The following GLIPR1L2 variants were observed in gnomAD, a reference collection of about 807,000 sequenced individuals.
The protein encoded by GLIPR1L2 is GLIPR1 like 2.
GLIPR1L2 carries 21 observed loss-of-function variants against 28.4 expected under a neutral mutation model. The ratio of observed to expected loss-of-function variants is 0.74; its 90% confidence interval spans 0.52 to 1.06. The LOEUF (loss-of-function observed/expected upper bound fraction) is 1.06. Ranked by LOEUF, GLIPR1L2 falls within the 50% of genes least tolerant of loss-of-function variation. The pLI is 0.00. For synonymous variants in GLIPR1L2, 145 were observed against 139.3 expected, an observed-to-expected ratio of 1.04 and a Z score of -0.29; for missense variants, 476 against 416.9, an observed-to-expected ratio of 1.14 and a Z score of -1.23.
chr12:75,428,998 G>T (rs1436411160), intron 4 of GLIPR1L2, among the ~76,000 whole-genome samples: 3 of 152,226 alleles, frequency 2.0e-5, no homozygotes, highest in Non-Finnish European at 4.4e-5. Context: ...CCCTCATGGA[G>T]AACCTCTACT....
At chr12:75,422,710 T>C (rs1486673715) in intron 3 of GLIPR1L2, among the ~76,000 whole-genome samples, 194 bp from the exon 4 acceptor site, 2 of 152,198 alleles carry the variant, frequency 1.3e-5, no homozygotes, top group African/African-American at 4.8e-5. Context: ...GGCATGGGAA[T>C]TCGTTTCAGA....
chr12:75,406,098 T>C (rs2045796468), intron 1 of GLIPR1L2, among the ~76,000 whole-genome samples: 1 of 151,966 alleles, frequency 6.6e-6, no homozygotes, highest in Admixed American at 6.6e-5. Context: ...ATTTTCCTGA[T>C]TATTTAAGAA....
At position 75,409,655 on chromosome 12, in the gene GLIPR1L2, AAT is replaced by A. The variant is rs1001160374; in HGVS notation, c.235-772_235-771del. Among the ~76,000 whole-genome samples, 4 of 146,746 alleles carry A rather than the reference AAT, an allele frequency of 2.7e-5. No homozygotes were observed. In the Admixed American group the frequency reaches 2.8e-4, roughly 10 times the overall value. On this transcript the variant is annotated intron_variant, in intron 1 of 5. Transcript: ENST00000550916. ...TATATATATAGGATCTTATATATAT[AAT>A]ATATATGTAATCTGATATATATATA...
At chr12:75,401,100 A>C (rs1424588949) in intron 1 of GLIPR1L2, among the ~76,000 whole-genome samples, 1 of 151,986 alleles carries the variant, frequency 6.6e-6, no homozygotes, top group Non-Finnish European at 1.5e-5. Context: ...AGCAATACAA[A>C]GAAACTTCAT....
chr12:75,423,986 G>A (rs1435397749), intron 4 of GLIPR1L2: 1 of 152,178 alleles, frequency 6.6e-6, no homozygotes. Context: ...ATTTGGGTTG[G>A]TTCCAAGTAT....
chr12:75,401,272 TAAA>T (rs1008596928), intron 1 of GLIPR1L2, among the ~76,000 whole-genome samples: 11 of 149,608 alleles, frequency 7.4e-5, no homozygotes, highest in African/African-American at 2.7e-4. Context: ...TGATTGAAAA[TAAA>T]AATATGAATA....
At chr12:75,392,681 A>G (rs1166884380) in intron 1 of GLIPR1L2, among the ~76,000 whole-genome samples, 2 of 152,136 alleles carry the variant, frequency 1.3e-5, no homozygotes, top group African/African-American at 4.8e-5. Context: ...GAAAATTAAT[A>G]AACACATAAT....
intron 1 of GLIPR1L2, among the ~76,000 whole-genome samples, chr12:75,392,586 T>G (rs2139910514): frequency 6.6e-6 from 1 of 152,258 alleles, no homozygotes; most frequent in African/African-American, 2.4e-5. Context: ...TTATAGAGTT[T>G]GGGGATATTT....
chr12:75,422,665 G>T lies in GLIPR1L2; in HGVS notation c.585-239G>T, dbSNP rs56198554. On this transcript the variant is annotated intron_variant, in intron 3 of 5. Coordinates refer to ENST00000550916, the MANE Select transcript of GLIPR1L2 (RefSeq NM_001270396.2). ...CTAAAATGAAAGAAGCTTTAAAACC[G>T]ATTCTTATATTTAATTATAATACTT... Among the ~76,000 whole-genome samples, 3 of 152,254 alleles carry T rather than the reference G, an allele frequency of 2.0e-5. No individual in the cohort carries two copies. The East Asian group carries it at 5.8e-4, about 29-fold the overall frequency.
At chr12:75,397,037 T>C (rs11180484) in intron 1 of GLIPR1L2, among the ~76,000 whole-genome samples, 52,716 of 151,972 alleles carry the variant, frequency 0.35, 9,537 homozygotes, top group East Asian at 0.46. Flanking sequence ...ATGTTGCCTC[T>C]TCCCCATGCT....
chr12:75,395,771 C>T (rs2045675897), intron 1 of GLIPR1L2, among the ~76,000 whole-genome samples: 1 of 152,032 alleles, frequency 6.6e-6, no homozygotes, highest in East Asian at 1.9e-4. Flanking sequence ...ATTTCTTACT[C>T]AGTCTTGCTA....
At position 75,391,267 on chromosome 12, in the gene GLIPR1L2, G is replaced by C. The variant is rs146467128; in HGVS notation, c.151G>C (p.Val51Leu). The change falls in exon 1 of 6, where the codon GTA (valine) becomes CTA (leucine). Residue 51 changes from valine (V) to leucine (L), a missense_variant. Transcript: ENST00000550916. ...NARFLPDEED[V>L]DFINEYVNLH... ...CAGATTTTTGCCAGACGAGGAGGACGTAGACTTTATCAACGAGTACGTGAA... is the reference window on the plus strand; with the variant it reads ...CAGATTTTTGCCAGACGAGGAGGACCTAGACTTTATCAACGAGTACGTGAA... 1.2e-6 allele frequency: 2 copies of C among 1,614,228 alleles called. No homozygotes were observed. The highest frequency in any genetic ancestry group is 1.7e-6 in the Non-Finnish European group (2 of 1,180,020).
intron 1 of GLIPR1L2, among the ~76,000 whole-genome samples, chr12:75,406,757 C>CAAA (rs373650750): frequency 9.1e-6 from 1 of 110,400 alleles, no homozygotes; most frequent in Non-Finnish European, 1.8e-5. Context: ...GTCCCTATCT[C>CAAA]AAAAAAAAAA....
At position 75,430,980 on chromosome 12, in the gene GLIPR1L2, A is replaced by G; in HGVS notation, c.854A>G (p.Gln285Arg). 6.5e-7 allele frequency: 1 copy of G among 1,535,738 alleles called. No homozygotes were observed. The highest frequency in any genetic ancestry group is 8.7e-7 in the Non-Finnish European group (1 of 1,146,562). The change falls in exon 6 of 6, where the codon CAA (glutamine) becomes CGA (arginine). Residue 285 changes from glutamine to arginine, a missense_variant. By Grantham distance (43) the Gln-to-Arg change is conservative. Transcript: ENST00000550916. ...QSQFPNILLE[Q>R]QMIFTPEESE... ...CAGTTTCCAAATATCTTGTTGGAAC[A>G]ACAAATGATATTTACCCCTGAGGAA...
Position 75,391,165 on chromosome 12 carries a change from C to T in GLIPR1L2, c.49C>T (p.Pro17Ser), listed in dbSNP as rs533559197. ...CCGGGAGTGGAGGGCCCAGTCCCTA[C>T]CCCTGGCAGTAGGGGGCGTTTTGAA... The part of the protein sequence containing the change: ...FAREWRAQSL[P>S]LAVGGVLKLR... Residue 17 changes from proline to serine, a missense_variant, in exon 1 of 6, where the codon CCC (proline) becomes TCC (serine). Coordinates refer to ENST00000550916, the MANE Select transcript of GLIPR1L2 (RefSeq NM_001270396.2). The T allele has an allele frequency of 3.1e-6, 5 of 1,614,194 alleles. No individual in the cohort carries two copies. In the South Asian group the frequency reaches 3.3e-5, roughly 11 times the overall value.
intron 3 of GLIPR1L2, among the ~76,000 whole-genome samples, chr12:75,420,949 T>G (rs575958542): frequency 6.6e-6 from 1 of 152,338 alleles, no homozygotes; most frequent in South Asian, 2.1e-4. Context: ...TTATATTTGT[T>G]TATTTGCCTT....
chr12:75,423,117 AT>A, intron 4 of GLIPR1L2, 128 bp downstream of exon 4: 1 of 1,563,612 alleles, frequency 6.4e-7, no homozygotes, highest in East Asian at 2.3e-5. Context: ...CTATTATGTT[AT>A]CAAAGGATGG....
At chr12:75,428,610 A>G (rs1321089400) in intron 4 of GLIPR1L2, among the ~76,000 whole-genome samples, 1 of 152,154 alleles carries the variant, frequency 6.6e-6, no homozygotes, top group Non-Finnish European at 1.5e-5. Flanking sequence ...CACCAAGACA[A>G]TGGGGAAAAC....
intron 2 of GLIPR1L2, among the ~76,000 whole-genome samples, chr12:75,411,899 T>C (rs1407373743): frequency 6.6e-6 from 1 of 152,018 alleles, no homozygotes; most frequent in African/African-American, 2.4e-5. Flanking sequence ...TTAGAAATAT[T>C]AAAGTTTTAC....
Sources: gnomAD v4.1 joint callset for allele counts (sites outside exome capture counted in the v4.1 genomes callset) on GRCh38, gnomAD v4.1.1 for gene constraint, MANE v1.5 for transcripts, NCBI Gene and HGNC (gene_info 2026-07-23, HGNC 2026-07-21) for gene names.